Variants in ADCY2 observed in about 807,000 individuals in gnomAD.
The protein encoded by ADCY2 is adenylate cyclase 2.
ADCY2 carries 31 observed loss-of-function variants against 125.2 expected under a neutral mutation model. The ratio of observed to expected loss-of-function variants is 0.25; its 90% CI spans 0.19 to 0.33. The LOEUF is 0.33. ADCY2 is among the 10% of genes least tolerant of loss of function. The probability of loss-of-function intolerance (pLI) is 1.00; values close to 1 mark genes in which losing one functional copy is unlikely to be tolerated. For synonymous variants in ADCY2, 512 were observed against 548.4 expected (o/e 0.93, Z 0.93); for missense variants, 904 against 1,418.2 (o/e 0.64, Z 5.82).
chr5:7,762,047 C>A (rs766865699), intron 16 of ADCY2, among the ~76,000 whole-genome samples: 1 of 152,164 alleles, frequency 6.6e-6, no homozygotes, highest in Non-Finnish European at 1.5e-5. Flanking sequence ...ACATACCAAG[C>A]TGCCTTCTGT....
At chr5:7,611,766 T>C (rs1045451423) in intron 3 of ADCY2, among the ~76,000 whole-genome samples, 1 of 152,190 alleles carries the variant, frequency 6.6e-6, no homozygotes, top group Non-Finnish European at 1.5e-5. Flanking sequence ...GCCCACCATA[T>C]GGAAAACACT....
intron 15 of ADCY2, among the ~76,000 whole-genome samples, chr5:7,752,644 T>A (rs1742862472): frequency 6.6e-6 from 1 of 151,734 alleles, no homozygotes; most frequent in Non-Finnish European, 1.5e-5. Context: ...AATTTAGATT[T>A]AACTTAATTT....
intron 20 of ADCY2, chr5:7,801,967 A>G: frequency 2.3e-6 from 1 of 434,558 alleles, no homozygotes; most frequent in African/African-American, 2.0e-5. Context: ...TCTCAAGTCA[A>G]TATGACAGAG....
intron 2 of ADCY2, among the ~76,000 whole-genome samples, chr5:7,495,114 G>A (rs571579247): frequency 6.6e-6 from 1 of 152,272 alleles, no homozygotes; most frequent in Non-Finnish European, 1.5e-5. Context: ...TTAATATCCT[G>A]GTGACTATCT....
At chr5:7,663,941 T>C (rs933374536) in intron 4 of ADCY2, among the ~76,000 whole-genome samples, 3 of 152,116 alleles carry the variant, frequency 2.0e-5, no homozygotes, top group African/African-American at 7.2e-5. Flanking sequence ...ACTGAAGAAG[T>C]TCAAGCTGGA....
chr5:7,408,238 AC>A (rs1296041534), intron 1 of ADCY2, among the ~76,000 whole-genome samples: 1 of 151,286 alleles, frequency 6.6e-6, no homozygotes, highest in African/African-American at 2.4e-5. Context: ...AAGCAGCAAA[AC>A]TGACACCTAA....
rs146193244 is a variant in ADCY2, at chr5:7,766,762, A to C, written c.2170A>C (p.Asn724His). The change falls in exon 17 of 25, where the codon AAT becomes CAT. Residue 724 changes from asparagine to histidine, a missense_variant. Transcript: ENST00000338316. Reference protein sequence around the residue: ...TTNTSFSASNNQVAILRAQNL... With the variant: ...TTNTSFSASNHQVAILRAQNL... ...AAACACAAGCTTTTCAGCCTCAAATAATCAGGTGGCGATTCTGCGTGCGCA... is the reference window on the plus strand; with the variant it reads ...AAACACAAGCTTTTCAGCCTCAAATCATCAGGTGGCGATTCTGCGTGCGCA... 13 of 1,612,432 alleles carry C rather than the reference A, an allele frequency of 8.1e-6. No individual in the cohort carries two copies. Among genetic ancestry groups the C allele is most frequent in the Non-Finnish European group, 1.1e-5 (13 of 1,179,594 alleles).
chr5:7,609,558 A>T (rs1737501418), intron 3 of ADCY2, among the ~76,000 whole-genome samples: 1 of 152,232 alleles, frequency 6.6e-6, no homozygotes, highest in Non-Finnish European at 1.5e-5. Flanking sequence ...TTATCAGTAC[A>T]TGTCCCAATA....
At chr5:7,634,923 G>A (rs1738442239) in intron 4 of ADCY2, among the ~76,000 whole-genome samples, 1 of 152,176 alleles carries the variant, frequency 6.6e-6, no homozygotes. Context: ...GAGGGGCCAG[G>A]CAGGGAGGCT....
intron 6 of ADCY2, among the ~76,000 whole-genome samples, chr5:7,696,977 G>T (rs914813527): frequency 1.3e-5 from 2 of 152,010 alleles, no homozygotes; most frequent in Non-Finnish European, 2.9e-5. Context: ...ATTAATAAAA[G>T]GTCATTTTTG....
intron 2 of ADCY2, among the ~76,000 whole-genome samples, chr5:7,465,095 C>CT (rs1742059411): frequency 6.6e-6 from 1 of 151,544 alleles, no homozygotes; most frequent in Non-Finnish European, 1.5e-5. Context: ...ATGGGGGAAC[C>CT]ACCCCCATGA....
At chr5:7,412,939 C>G (rs1318813754) in intron 1 of ADCY2, among the ~76,000 whole-genome samples, 1 of 152,232 alleles carries the variant, frequency 6.6e-6, no homozygotes, top group African/African-American at 2.4e-5. Flanking sequence ...CTGCTTAGCA[C>G]AAGTAGCACT....
At chr5:7,567,166 T>C (rs958864798) in intron 3 of ADCY2, among the ~76,000 whole-genome samples, 1 of 152,192 alleles carries the variant, frequency 6.6e-6, no homozygotes, top group African/African-American at 2.4e-5. Context: ...CACTTATTGC[T>C]TACCATTTTA....
chr5:7,475,852 T>C (rs1742506306), intron 2 of ADCY2, among the ~76,000 whole-genome samples: 1 of 152,180 alleles, frequency 6.6e-6, no homozygotes, highest in Non-Finnish European at 1.5e-5. Context: ...CAGTGATGTT[T>C]TGGAGATCTA....
chr5:7,709,404 C>G lies in ADCY2; in HGVS notation c.1578+17C>G. 1 of 1,556,138 alleles carries G rather than the reference C, an allele frequency of 6.4e-7. No homozygotes were observed. Among genetic ancestry groups the G allele is most frequent in the Non-Finnish European group, 8.7e-7 (1 of 1,151,228 alleles). On this transcript the variant is annotated intron_variant, in intron 10 of 24. Transcript: ENST00000338316. The surrounding 1 kb of genome is among the most constrained non-coding windows in gnomAD (Gnocchi z 4.4). The stretch of plus-strand genomic sequence containing the variant: ...AGCACCACGGTATGCCCTCCCCTGC[C>G]TCCAATGCCTGAGCACTGGGGGAAA...
At chr5:7,679,844 C>A (rs2126713253) in intron 4 of ADCY2, among the ~76,000 whole-genome samples, 1 of 152,288 alleles carries the variant, frequency 6.6e-6, no homozygotes, top group African/African-American at 2.4e-5. Flanking sequence ...CTTCTTCTTC[C>A]TCTGTTGTAA....
intron 3 of ADCY2, among the ~76,000 whole-genome samples, chr5:7,592,526 T>A (rs73048191): frequency 0.031 from 4,722 of 150,644 alleles, 225 homozygotes; most frequent in African/African-American, 0.11. Context: ...TTCCTACCTA[T>A]TGTACTAGGG....
chr5:7,701,852 C>T lies in ADCY2; in HGVS notation c.1109+3478C>T, dbSNP rs541388526. Among the ~76,000 whole-genome samples the T allele has an allele frequency of 2.6e-5, 4 of 152,170 alleles. No individual in the cohort carries two copies. The South Asian group carries it at 8.3e-4, about 32-fold the overall frequency. On this transcript the variant is annotated intron_variant, in intron 7 of 24. Transcript: ENST00000338316. ...TTTTGATGCTTTTAGTGTAATATTC[C>T]CCCGTAGGTATATACCACATTTTAT...
At chr5:7,772,657 T>A (rs1287671867) in intron 17 of ADCY2, among the ~76,000 whole-genome samples, 1 of 152,218 alleles carries the variant, frequency 6.6e-6, no homozygotes, top group Non-Finnish European at 1.5e-5. Flanking sequence ...CATATAAGTT[T>A]TTTTTACAAT....
Sources: allele counts gnomAD v4.1 joint callset (sites outside exome capture counted in the v4.1 genomes callset), GRCh38; gene constraint gnomAD v4.1.1; non-coding constraint Gnocchi (gnomAD v3.1); transcripts MANE v1.5; gene names NCBI Gene and HGNC (gene_info 2026-07-23, HGNC 2026-07-21).